MYO16: variants seen among roughly 807,000 people sequenced by gnomAD.
MYO16 encodes unconventional myosin-XVI.
A neutral mutation model predicts 205.3 loss-of-function variants in MYO16; 94 were observed. The observed-to-expected ratio is 0.46, with a 90% confidence interval of 0.39 to 0.54. The LOEUF is 0.54. Among genes scored for constraint, MYO16 ranks in the 20% least tolerant of loss-of-function variants. MYO16 has a pLI of 0.00. For synonymous variants in MYO16, 988 were observed against 954.0 expected, an observed-to-expected ratio of 1.04 and a Z score of -0.66; for missense variants, 2,315 against 2,387.5, an observed-to-expected ratio of 0.97 and a Z score of 0.63.
At chr13:108,552,423 G>T in the MYO16 span, among the ~76,000 whole-genome samples, 1 of 151,882 alleles carries the variant, frequency 6.6e-6, no homozygotes, top group Non-Finnish European at 1.5e-5. Flanking sequence ...TCTCTCCTTG[G>T]CATGTCTTAC....
intron 30 of MYO16, among the ~76,000 whole-genome samples, chr13:109,126,337 C>T (rs1362821956): frequency 4.6e-5 from 7 of 152,156 alleles, no homozygotes; most frequent in South Asian, 2.1e-4. Context: ...TCTACATGGG[C>T]GGCTGGCTCT....
chr13:109,067,616 C>CT (rs1166539136), intron 27 of MYO16, among the ~76,000 whole-genome samples: 1 of 152,164 alleles, frequency 6.6e-6, no homozygotes, highest in Non-Finnish European at 1.5e-5. Context: ...GGCACTGTGA[C>CT]ATCAGGTGAA....
At chr13:108,496,208 G>A in the MYO16 span, among the ~76,000 whole-genome samples, 2 of 151,946 alleles carry the variant, frequency 1.3e-5, no homozygotes, top group Admixed American at 6.5e-5. Context: ...CGTAAGCCGA[G>A]GCTGGGAGTA....
the MYO16 span, among the ~76,000 whole-genome samples, chr13:108,554,590 C>T: frequency 6.6e-6 from 1 of 152,156 alleles, no homozygotes; most frequent in Non-Finnish European, 1.5e-5. Flanking sequence ...TGGCTCACGC[C>T]TGTAATCCCA....
At chr13:108,966,353 A>C (rs1470109790) in intron 20 of MYO16, among the ~76,000 whole-genome samples, 2 of 152,204 alleles carry the variant, frequency 1.3e-5, no homozygotes, top group Non-Finnish European at 2.9e-5. Context: ...ATGAATATAT[A>C]AGTCCAGCTG....
chr13:108,811,996 G>A (rs1887308525), intron 7 of MYO16, among the ~76,000 whole-genome samples: 1 of 152,130 alleles, frequency 6.6e-6, no homozygotes, highest in South Asian at 2.1e-4. Context: ...CCCTGCTTAG[G>A]TCTCGTGTTT....
chr13:108,907,024 T>A (rs1040605105), intron 15 of MYO16, among the ~76,000 whole-genome samples: 9 of 152,172 alleles, frequency 5.9e-5, no homozygotes, highest in African/African-American at 1.9e-4. Context: ...TTTTGGTGCT[T>A]GCTAATTGAA....
intron 34 of MYO16, among the ~76,000 whole-genome samples, chr13:109,185,372 A>G (rs556805829): frequency 6.6e-6 from 1 of 152,246 alleles, no homozygotes; most frequent in African/African-American, 2.4e-5. Context: ...GCCTAGCATG[A>G]TGCTGCCTGG....
At chr13:109,191,947 CAGAGAGTTGGAGAGAGA>C (rs1879935969) in intron 34 of MYO16, among the ~76,000 whole-genome samples, 1 of 152,094 alleles carries the variant, frequency 6.6e-6, no homozygotes, top group Non-Finnish European at 1.5e-5. Flanking sequence ...CTCAAGATAT[CAGAGAGTTGGAGAGAGA>C]CTCCAGGGAA....
chr13:108,613,803 G>A (rs1165396696), intron 1 of MYO16, among the ~76,000 whole-genome samples: 2 of 151,942 alleles, frequency 1.3e-5, no homozygotes, highest in East Asian at 1.9e-4. Flanking sequence ...CGTCACAGTA[G>A]ACTCAGAAAA....
intron 12 of MYO16, among the ~76,000 whole-genome samples, chr13:108,874,213 A>T (rs1374270644): frequency 6.9e-6 from 1 of 144,868 alleles, no homozygotes; most frequent in Non-Finnish European, 1.5e-5. Context: ...GTTTTTTTTT[A>T]AAAAGCATCA....
intron 4 of MYO16, among the ~76,000 whole-genome samples, chr13:108,750,426 C>T (rs1313743261): frequency 5.9e-5 from 9 of 152,052 alleles, no homozygotes; most frequent in South Asian, 2.1e-4. Flanking sequence ...AACATCTTTA[C>T]GTAGTATTCT....
rs196185 is a variant in MYO16, at chr13:108,762,206, C to T, written c.508-23429C>T. 7.8e-3 allele frequency among the ~76,000 whole-genome samples: 1,187 copies of T among 152,238 alleles called. 10 individuals are homozygous for T. Among genetic ancestry groups the T allele is most frequent in the African/African-American group, 0.027 (1,111 of 41,542 alleles). ...TTTTTGTGGCTAAGTAGTATTCCAT[C>T]GTCTATAAATACCACATTTTCTTTA... On this transcript the variant is annotated intron_variant, in intron 4 of 34. Transcript: ENST00000457511.
rs149571008 is a variant in MYO16 at position 108,748,403 on chromosome 13, A to C, written c.507+20820A>C. ...CATTAAATACGTGTATTAGAGAAGA[A>C]GACAGATATAAAAGCAATAATCTAA... On this transcript the variant is annotated intron_variant, in intron 4 of 34. Transcript: ENST00000457511. Among the ~76,000 whole-genome samples the C allele has an allele frequency of 6.4e-3, 972 of 152,204 alleles. 4 individuals carry two copies. Among genetic ancestry groups the C allele is most frequent in the Non-Finnish European group, 0.011 (718 of 67,958 alleles).
At chr13:109,099,869 A>G (rs1376165647) in intron 27 of MYO16, among the ~76,000 whole-genome samples, 2 of 152,240 alleles carry the variant, frequency 1.3e-5, no homozygotes, top group African/African-American at 4.8e-5. Flanking sequence ...TTTAGAAGAT[A>G]CCAAATTTAC....
At chr13:109,088,321 G>C (rs1888505503) in intron 27 of MYO16, among the ~76,000 whole-genome samples, 1 of 152,146 alleles carries the variant, frequency 6.6e-6, no homozygotes, top group Admixed American at 6.5e-5. Context: ...ATGGAGCTTG[G>C]TGTATGTTTC....
intron 27 of MYO16, among the ~76,000 whole-genome samples, chr13:109,059,014 A>G (rs1341344510): frequency 6.6e-6 from 1 of 152,162 alleles, no homozygotes; most frequent in Non-Finnish European, 1.5e-5. Context: ...ATATTTGATC[A>G]TGAGGTTGCC....
chr13:108,976,241 T>C (rs1007925876), intron 20 of MYO16, among the ~76,000 whole-genome samples: 3 of 152,184 alleles, frequency 2.0e-5, no homozygotes, highest in Non-Finnish European at 4.4e-5. Flanking sequence ...ATGACATATT[T>C]AACATCTCCT....
intron 1 of MYO16, among the ~76,000 whole-genome samples, chr13:108,608,652 A>T (rs75196290): frequency 0.021 from 499 of 24,240 alleles, 3 homozygotes; most frequent in African/African-American, 0.048. Context: ...CCCACAAATG[A>T]TTTTTTTTTT....
Sources: allele counts gnomAD v4.1 joint callset (sites outside exome capture counted in the v4.1 genomes callset), GRCh38; gene constraint gnomAD v4.1.1; transcripts MANE v1.5; gene names NCBI Gene and HGNC (gene_info 2026-07-23, HGNC 2026-07-21).